The following ARMC5 variants were observed in gnomAD, a reference collection of about 807,000 sequenced individuals.
The protein encoded by ARMC5 is armadillo repeat containing 5, also known as armadillo repeat-containing protein 5.
Under a neutral mutation model 60.5 loss-of-function variants are expected in ARMC5, and 28 were observed. The observed-to-expected ratio is 0.46, with a 90% CI of 0.34 to 0.63. ARMC5 has a LOEUF of 0.63. ARMC5 is among the 30% of genes least tolerant of loss of function. The pLI is 0.01. For synonymous variants in ARMC5, 680 were observed against 607.3 expected (o/e 1.12, Z -1.76); for missense variants, 1,189 against 1,304.9 (o/e 0.91, Z 1.37).
In ARMC5 at chr16:31,462,712, C is replaced by T. The variant is rs1274597221; in HGVS notation, c.1165C>T (p.Arg389Cys). The stretch of plus-strand genomic sequence containing the variant: ...CCCTCGTGCAAGCGCATGGCACCCT[C>T]GTATTGTGGCTGCCCTTGTGGGGTT... The part of the protein sequence containing the change: ...RDPRASAWHP[R>C]IVAALVGFLY... Residue 389 changes from arginine (R) to cysteine (C), a missense_variant, in exon 3 of 6, where the codon CGT becomes TGT. Arg to Cys is a radical substitution (Grantham distance 180). Around this residue, in one of 2 missense-constraint regions of ARMC5, gnomAD observed 862 missense variants for 1,071.2 expected, o/e 0.80. Coordinates refer to ENST00000268314, the MANE Select transcript of ARMC5 (RefSeq NM_001105247.2). This position sits in a 1 kb window ranked among gnomAD's most constrained non-coding sequence, Gnocchi z 7.2. 24 of 1,613,630 alleles carry T rather than the reference C, an allele frequency of 1.5e-5. No individual in the cohort carries two copies. Among genetic ancestry groups the T allele is most frequent in the Non-Finnish European group, 1.9e-5 (23 of 1,180,040 alleles).
At chr16:31,458,535 GTGAA>G, upstream of ARMC5, 1 of 1,529,628 alleles carries the variant, frequency 6.5e-7, no homozygotes, top group Non-Finnish European at 8.8e-7. Flanking sequence ...TGCCTTGGTG[GTGAA>G]TGAAGCCGGG....
chr16:31,463,773 A>C (rs1006338685), intron 3 of ARMC5, among the ~76,000 whole-genome samples: 1 of 152,112 alleles, frequency 6.6e-6, no homozygotes, highest in Admixed American at 6.6e-5. Flanking sequence ...GCCCCACACT[A>C]ACATAACTCA....
intron 4 of ARMC5, chr16:31,465,089 C>T (rs751211668): frequency 7.1e-5 from 115 of 1,613,962 alleles, no homozygotes; most frequent in Non-Finnish European, 9.2e-5. Context: ...GCTGTGTCCT[C>T]TGCCCTAGCC....
chr16:31,465,652 C>T (rs1015633671), intron 4 of ARMC5, 198 bp from the exon 5 acceptor site: 6 of 1,425,416 alleles, frequency 4.2e-6, no homozygotes, highest in African/African-American at 1.4e-5. Flanking sequence ...CCCAGACTTA[C>T]ACCCTGACTG....
chr16:31,464,512 T>C lies in ARMC5; in HGVS notation c.1489T>C (p.Ser497Pro), dbSNP rs941961420. The C allele has an allele frequency of 1.4e-5, 22 of 1,604,682 alleles. No homozygotes were observed. The African/African-American group carries it at 2.5e-4, about 19-fold the overall frequency. ...EPASPAPTPT[S>P]LRAPRTQRTP... Reference sequence around the variant, plus strand: ...GGCCAGCCCCGCCCCGACCCCGACCTCGCTGCGGGCACCACGCACCCAACG... The same window carrying C: ...GGCCAGCCCCGCCCCGACCCCGACCCCGCTGCGGGCACCACGCACCCAACG... The change falls in exon 4 of 6, where the codon TCG becomes CCG. Residue 497 changes from serine to proline, a missense_variant. By Grantham distance (74) the Ser-to-Pro change is moderately conservative. Coordinates refer to ENST00000268314, the MANE Select transcript of ARMC5 (RefSeq NM_001105247.2). The surrounding 1 kb of genome is among the most constrained non-coding windows in gnomAD (Gnocchi z 7.6).
In ARMC5 at chr16:31,464,409, C is replaced by T. The variant is rs531249188; in HGVS notation, c.1386C>T (p.Ser462=). ...CCCTCCGCAGGTCGTGGCTGATCTC[C>T]GAGGGCTATGCCACAGGCCCTGATG... ...SFRSLRSWLI[S]EGYATGPDDI... is the part of the protein sequence containing the mutation. The change falls in exon 4 of 6, where the codon TCC becomes TCT. Residue 462 remains serine (S), a synonymous_variant. Transcript: ENST00000268314. This position sits in a 1 kb window ranked among gnomAD's most constrained non-coding sequence, Gnocchi z 7.6. 1.3e-5 allele frequency: 20 copies of T among 1,533,114 alleles called. No individual in the cohort carries two copies. Among genetic ancestry groups the T allele is most frequent in the South Asian group, 2.5e-5 (2 of 78,908 alleles). The allele number at this position is 1,533,114 out of a possible 1,614,324, so 95.0% of individuals were successfully genotyped here.
intron 3 of ARMC5, among the ~76,000 whole-genome samples, chr16:31,463,947 G>A (rs536648879): frequency 3.2e-4 from 48 of 152,130 alleles, no homozygotes; most frequent in African/African-American, 8.2e-4. Flanking sequence ...TCTCACTTCC[G>A]TTTCTCCCCT....
intron 4 of ARMC5, chr16:31,465,128 G>T (rs1216445877): frequency 3.1e-6 from 5 of 1,613,780 alleles, no homozygotes; most frequent in African/African-American, 1.3e-5. Context: ...AACTCTAGAT[G>T]CAGCCCCGCG....
chr16:31,463,587 A>G (rs530818238), intron 3 of ARMC5, among the ~76,000 whole-genome samples: 1 of 152,078 alleles, frequency 6.6e-6, no homozygotes, highest in Non-Finnish European at 1.5e-5. Context: ...TTTTTTAAAC[A>G]TTAGCGTTGG....
Position 31,466,781 on chromosome 16 carries a change from G to T in ARMC5, c.2700G>T (p.Leu900=). Residue 900 remains leucine, a synonymous_variant, in exon 6 of 6, where the codon CTG becomes CTT. Coordinates refer to ENST00000268314, the MANE Select transcript of ARMC5 (RefSeq NM_001105247.2). The surrounding 1 kb of genome is among the most constrained non-coding windows in gnomAD (Gnocchi z 8.0). ...GSEQCPRKRG[L]ALVGLVEAAG... ...AGCAGTGCCCGAGGAAGCGGGGTCT[G>T]GCCCTGGTGGGGCTTGTGGAGGCAG... The T allele has an allele frequency of 6.3e-7, 1 of 1,583,054 alleles. No homozygotes were observed. Among genetic ancestry groups the T allele is most frequent in the Non-Finnish European group, 8.6e-7 (1 of 1,166,376 alleles).
upstream of ARMC5, chr16:31,458,676 C>T: frequency 1.4e-6 from 2 of 1,452,612 alleles, no homozygotes; most frequent in Non-Finnish European, 1.8e-6. Context: ...CGGGCAGCTG[C>T]CCCGACCACA....
At chr16:31,465,441 GT>G in intron 4 of ARMC5, 1 of 1,022,016 alleles carries the variant, frequency 9.8e-7, no homozygotes, top group East Asian at 2.9e-5. Flanking sequence ...TTTTTCCCAG[GT>G]TATGATTATA....
chr16:31,464,798 T>C lies in ARMC5; in HGVS notation c.1775T>C (p.Leu592Pro). 1 of 1,598,528 alleles carries C rather than the reference T, an allele frequency of 6.3e-7. No individual in the cohort carries two copies. Among genetic ancestry groups the C allele is most frequent in the Non-Finnish European group, 8.5e-7 (1 of 1,178,826 alleles). The change falls in exon 4 of 6, where the codon CTG (leucine) becomes CCG (proline). Residue 592 changes from leucine to proline, a missense_variant. Physicochemically the swap from Leu to Pro is moderately conservative, Grantham distance 98 (BLOSUM62 -3). This residue lies in a region of ARMC5 where 862 missense variants were observed against 1,071.2 expected (regional missense o/e 0.80). Transcript: ENST00000268314. The surrounding 1 kb of genome is among the most constrained non-coding windows in gnomAD (Gnocchi z 7.6). Reference sequence around the variant, plus strand: ...GTGCGCAGCTATGGCGCGGCGCTGCTGCGGGCCTGGCTGGTGCTGGGGGTG... The same window carrying C: ...GTGCGCAGCTATGGCGCGGCGCTGCCGCGGGCCTGGCTGGTGCTGGGGGTG... The part of the protein sequence containing the change: ...AFVRSYGAAL[L>P]RAWLVLGVAP...
chr16:31,459,421 T>A (rs915959897), upstream of ARMC5: 1 of 1,539,410 alleles, frequency 6.5e-7, no homozygotes, highest in Non-Finnish European at 8.7e-7. Flanking sequence ...GCGGTGGCGC[T>A]AAACAGCGTC....
Position 31,459,758 on chromosome 16 carries a change from T to C in ARMC5, c.234T>C (p.Ala78=), listed in dbSNP as rs1291894188. 4 of 1,537,118 alleles carry C rather than the reference T, an allele frequency of 2.6e-6. No individual in the cohort carries two copies. The highest frequency in any genetic ancestry group is 2.6e-6 in the Non-Finnish European group (3 of 1,150,744). The change falls in exon 1 of 6, where the codon GCT becomes GCC. Residue 78 remains alanine, a synonymous_variant. Coordinates refer to ENST00000268314, the MANE Select transcript of ARMC5 (RefSeq NM_001105247.2). ...TACTCGCGCTGCTACGGCGAGCGGC[T>C]GCAGCGGGTTCCGCCCCGTCCCAGG... ...RPLLALLRRA[A]AAGSAPSQAG...
Position 31,464,291 on chromosome 16 carries a change from TTAAAAAAAA to T in ARMC5, c.1371-102_1371-94del. Reference sequence around the variant, plus strand: ...GGCTATAGAGGGATACCACATTTCTTTAAAAAAAAAAAAAAAAAAAAAAAAGACGCCTCA... The same window carrying T: ...GGCTATAGAGGGATACCACATTTCTTAAAAAAAAAAAAAAAAGACGCCTCA... On this transcript the variant is annotated intron_variant, in intron 3 of 5. Transcript: ENST00000268314. The surrounding 1 kb of genome is among the most constrained non-coding windows in gnomAD (Gnocchi z 7.6). 1 of 950,826 alleles carries T rather than the reference TTAAAAAAAA, an allele frequency of 1.1e-6. No homozygotes were observed. Among genetic ancestry groups the T allele is most frequent in the African/African-American group, 2.1e-5 (1 of 48,304 alleles). The allele number at this position is 950,826 out of a possible 1,614,324, so 58.9% of individuals were successfully genotyped here. A position where few individuals can be genotyped will look rare whatever the true frequency, so the allele number is the denominator to read the frequency against.
chr16:31,466,818 G>T lies in ARMC5; in HGVS notation c.2737G>T (p.Ala913Ser). ...VGLVEAAGEE[A>S]GPLTEALLAV... is the part of the protein sequence containing the mutation. ...GCTTGTGGAGGCAGCAGGTGAAGAG[G>T]CAGGGCCCCTGACGGAGGCTTTGCT... Residue 913 changes from alanine to serine, a missense_variant, in exon 6 of 6, where the codon GCA becomes TCA. By Grantham distance (99) the Ala-to-Ser change is moderately conservative (BLOSUM62 1). Around this residue, in one of 2 missense-constraint regions of ARMC5, gnomAD observed 862 missense variants for 1,071.2 expected, o/e 0.80. Coordinates refer to ENST00000268314, the MANE Select transcript of ARMC5 (RefSeq NM_001105247.2). The surrounding 1 kb of genome is among the most constrained non-coding windows in gnomAD (Gnocchi z 8.0). 1 of 1,596,018 alleles carries T rather than the reference G, an allele frequency of 6.3e-7. No homozygotes were observed. Among genetic ancestry groups the T allele is most frequent in the Non-Finnish European group, 8.5e-7 (1 of 1,172,020 alleles).
chr16:31,458,400 G>C, upstream of ARMC5: 6 of 1,535,632 alleles, frequency 3.9e-6, no homozygotes, highest in South Asian at 1.2e-5. Context: ...CGAAGCGATG[G>C]TCACACTCGG....
Position 31,466,162 on chromosome 16 carries a change from A to G in ARMC5, c.2081A>G (p.His694Arg). 1 of 1,607,940 alleles carries G rather than the reference A, an allele frequency of 6.2e-7. No individual in the cohort carries two copies. The change falls in exon 6 of 6, where the codon CAC (histidine) becomes CGC (arginine). Residue 694 changes from histidine (H) to arginine (R), a missense_variant. This residue lies in a region of ARMC5 where 862 missense variants were observed against 1,071.2 expected (regional missense o/e 0.80). Transcript: ENST00000268314. The surrounding 1 kb of genome is among the most constrained non-coding windows in gnomAD (Gnocchi z 8.0). ...LLAALTRPAP[H>R]PLFLFFAADS... ...GCGGCGCTGACCCGGCCGGCCCCAC[A>G]CCCGCTCTTCCTCTTCTTTGCCGCG...
Sources: allele counts gnomAD v4.1 joint callset (sites outside exome capture counted in the v4.1 genomes callset), GRCh38; gene constraint gnomAD v4.1.1; regional missense constraint gnomAD v4.1.1; non-coding constraint Gnocchi (gnomAD v3.1); transcripts MANE v1.5; gene names NCBI Gene and HGNC (gene_info 2026-07-23, HGNC 2026-07-21).